The following CNTNAP2 variants were observed in gnomAD, a reference collection of about 807,000 sequenced individuals.
CNTNAP2 encodes the protein contactin-associated protein-like 2.
Under a neutral mutation model 155.2 loss-of-function variants are expected in CNTNAP2, and 98 were observed. The observed-to-expected ratio is 0.63, with a 90% CI of 0.54 to 0.75. CNTNAP2 has a LOEUF of 0.75. Among genes scored for constraint, CNTNAP2 ranks in the 30% least tolerant of loss-of-function variants. The pLI is 0.00. For synonymous variants in CNTNAP2, 651 were observed against 631.2 expected (o/e 1.03, Z -0.47); for missense variants, 1,727 against 1,688.1 (o/e 1.02, Z -0.40).
chr7:147,946,297 T>A (rs1005800365), intron 14 of CNTNAP2, among the ~76,000 whole-genome samples: 1 of 152,090 alleles, frequency 6.6e-6, no homozygotes, highest in Non-Finnish European at 1.5e-5. Flanking sequence ...TGTGCTGCCA[T>A]GTTTACTTTT....
At chr7:147,212,475 T>C (rs1803170891) in intron 8 of CNTNAP2, among the ~76,000 whole-genome samples, 1 of 152,108 alleles carries the variant, frequency 6.6e-6, no homozygotes, top group African/African-American at 2.4e-5. Flanking sequence ...TCTAACTAGA[T>C]TAACACAGAA....
At chr7:147,647,161 T>C (rs1190293870) in intron 13 of CNTNAP2, among the ~76,000 whole-genome samples, 1 of 151,382 alleles carries the variant, frequency 6.6e-6, no homozygotes, top group Non-Finnish European at 1.5e-5. Context: ...CTAATTTTTT[T>C]TCTTTTTTTT....
chr7:147,834,497 C>A (rs762206575), intron 13 of CNTNAP2, among the ~76,000 whole-genome samples: 1 of 152,098 alleles, frequency 6.6e-6, no homozygotes, highest in Non-Finnish European at 1.5e-5. Context: ...TAATAGCTGT[C>A]TTTCTTCTCC....
At chr7:146,509,649 G>C (rs1020561351) in intron 1 of CNTNAP2, among the ~76,000 whole-genome samples, 1 of 151,990 alleles carries the variant, frequency 6.6e-6, no homozygotes, top group South Asian at 2.1e-4. Flanking sequence ...CTCTGACTGG[G>C]GTGGCAGGCC....
At chr7:147,593,300 C>T (rs748510218) in intron 12 of CNTNAP2, among the ~76,000 whole-genome samples, 1 of 147,500 alleles carries the variant, frequency 6.8e-6, no homozygotes, top group Non-Finnish European at 1.5e-5. Context: ...TACTGATCAT[C>T]TAGTATGTAT....
At chr7:148,005,412 A>G (rs951043721) in intron 15 of CNTNAP2, among the ~76,000 whole-genome samples, 1 of 152,182 alleles carries the variant, frequency 6.6e-6, no homozygotes, top group East Asian at 1.9e-4. Flanking sequence ...AGTTCATAGC[A>G]GTGGAAGATA....
chr7:146,134,968 A>G (rs1355272885), intron 1 of CNTNAP2, among the ~76,000 whole-genome samples: 1 of 151,784 alleles, frequency 6.6e-6, no homozygotes, highest in African/African-American at 2.4e-5. Context: ...ATTGATTGGA[A>G]TAGTTTCAGA....
At chr7:148,373,401 G>A (rs1480971048) in intron 21 of CNTNAP2, among the ~76,000 whole-genome samples, 1 of 152,160 alleles carries the variant, frequency 6.6e-6, no homozygotes, top group Non-Finnish European at 1.5e-5. Context: ...AGTTGTGGTA[G>A]CTCAGATTGT....
At chr7:146,812,819 C>T (rs190495148) in intron 2 of CNTNAP2, among the ~76,000 whole-genome samples, 140 of 152,306 alleles carry the variant, frequency 9.2e-4, no homozygotes, top group Middle Eastern at 3.4e-3. Context: ...ATATTGTTTC[C>T]TGGACTGGAC....
At chr7:147,842,409 A>G (rs1798759054) in intron 13 of CNTNAP2, among the ~76,000 whole-genome samples, 1 of 152,206 alleles carries the variant, frequency 6.6e-6, no homozygotes, top group African/African-American at 2.4e-5. Flanking sequence ...TTCTATGTTA[A>G]TAATATAATT....
chr7:148,307,683 A>G (rs1563035001), intron 21 of CNTNAP2, among the ~76,000 whole-genome samples: 1 of 152,200 alleles, frequency 6.6e-6, no homozygotes, highest in Non-Finnish European at 1.5e-5. Flanking sequence ...GAATATACAT[A>G]GAGACTGGGC....
chr7:148,032,795 A>G (rs192585751), intron 15 of CNTNAP2, among the ~76,000 whole-genome samples: 110 of 152,332 alleles, frequency 7.2e-4, no homozygotes, highest in Non-Finnish European at 1.3e-3. Flanking sequence ...GGGGTTTTCT[A>G]TGTTGATGAG....
At chr7:146,353,728 A>C (rs552179224) in intron 1 of CNTNAP2, among the ~76,000 whole-genome samples, 1 of 152,164 alleles carries the variant, frequency 6.6e-6, no homozygotes, top group South Asian at 2.1e-4. Flanking sequence ...ACACCTGACA[A>C]AGGTAGTAGC....
At chr7:146,984,655 C>G (rs1233287804) in intron 3 of CNTNAP2, among the ~76,000 whole-genome samples, 1 of 152,116 alleles carries the variant, frequency 6.6e-6, no homozygotes, top group African/African-American at 2.4e-5. Context: ...GGATTTCGCC[C>G]TTCTCCCAAT....
chr7:147,121,255 T>TA (rs1233485470), intron 6 of CNTNAP2, 92 bp downstream of exon 6: 22 of 1,234,080 alleles, frequency 1.8e-5, no homozygotes, highest in Non-Finnish European at 2.5e-5. Context: ...TATTACTACT[T>TA]ACACCTTTTT....
intron 1 of CNTNAP2, among the ~76,000 whole-genome samples, chr7:146,270,297 T>C (rs941389433): frequency 1.4e-4 from 22 of 152,204 alleles, no homozygotes; most frequent in African/African-American, 5.3e-4. Flanking sequence ...CGTAAGCACT[T>C]AGCACAGTGC....
At chr7:147,466,887 C>T (rs1798129894) in intron 10 of CNTNAP2, among the ~76,000 whole-genome samples, 1 of 152,100 alleles carries the variant, frequency 6.6e-6, no homozygotes, top group East Asian at 1.9e-4. Context: ...CCATTGCTCT[C>T]CAGCCTGGGT....
intron 18 of CNTNAP2, among the ~76,000 whole-genome samples, chr7:148,215,798 C>T (rs992390519): frequency 4.6e-5 from 7 of 152,138 alleles, no homozygotes; most frequent in African/African-American, 1.7e-4. Flanking sequence ...CAAGTTAACA[C>T]GGCTGCTACA....
intron 1 of CNTNAP2, among the ~76,000 whole-genome samples, chr7:146,725,094 C>T (rs1801408410): frequency 6.6e-6 from 1 of 150,718 alleles, no homozygotes; most frequent in Admixed American, 6.6e-5. Context: ...CGTGGACCTT[C>T]ACTTGCAGGC....
Sources: gnomAD v4.1 joint callset for allele counts (sites outside exome capture counted in the v4.1 genomes callset) on GRCh38, gnomAD v4.1.1 for gene constraint, MANE v1.5 for transcripts, NCBI Gene and HGNC (gene_info 2026-07-23, HGNC 2026-07-21) for gene names.